The following ETAA1 variants were observed in gnomAD, a reference collection of about 807,000 sequenced individuals.
ETAA1 encodes the protein ewing's tumor-associated antigen 1.
ETAA1 carries 49 observed loss-of-function variants against 76.8 expected under a neutral mutation model. That is an observed-to-expected ratio of 0.64 (90% CI 0.51 to 0.81). The LOEUF is 0.81. ETAA1 is among the 30% of genes least tolerant of loss of function. The pLI, the probability that ETAA1 is intolerant of heterozygous loss-of-function variation, is 0.00. For missense variants in ETAA1, 1,099 were observed against 1,074.0 expected (o/e 1.02, Z -0.32); for synonymous variants, 373 against 372.2 (o/e 1.00, Z -0.03).
intron 5 of ETAA1, among the ~76,000 whole-genome samples, chr2:67,405,970 C>T (rs182761363): frequency 1.6e-3 from 237 of 152,182 alleles, no homozygotes; most frequent in Non-Finnish European, 2.8e-3. Flanking sequence ...AACAAGTTAA[C>T]ATTTCTTGAT....
chr2:67,405,357 G>C, intron 5 of ETAA1, 22 bp downstream of exon 5: 1 of 1,471,154 alleles, frequency 6.8e-7, no homozygotes, highest in Non-Finnish European at 9.0e-7. Flanking sequence ...ATATGAAATA[G>C]TTTTCTTTGA....
rs770706064 is a variant in ETAA1 at position 67,405,170 on chromosome 2, CAG to C, written c.2490_2491del (p.Gln830HisfsTer6). On this transcript the variant is annotated frameshift_variant, in exon 5 of 6. Coordinates refer to ENST00000272342, the MANE Select transcript of ETAA1 (RefSeq NM_019002.4). LOFTEE classifies it high-confidence loss of function. The part of the protein sequence containing the change: ...KFTFTRMKNS[Q>X]ILSQFNQNCI... Reference sequence around the variant, plus strand: ...TACATTTACAAGGATGAAAAATTCTCAGATTCTTTCTCAGTTTAATCAAAATT... The same window carrying C: ...TACATTTACAAGGATGAAAAATTCTCATTCTTTCTCAGTTTAATCAAAATT... The C allele has an allele frequency of 6.2e-7, 1 of 1,612,326 alleles. No individual in the cohort carries two copies. The highest frequency in any genetic ancestry group is 1.1e-5 in the South Asian group (1 of 90,952).
Position 67,404,428 on chromosome 2 carries a change from TC to T in ETAA1, c.1749del (p.Ser584HisfsTer13). The T allele has an allele frequency of 6.2e-7, 1 of 1,613,302 alleles. No homozygotes were observed. Among genetic ancestry groups the T allele is most frequent in the East Asian group, 2.2e-5 (1 of 44,804 alleles). ...VGSFFDDWND[P>X]SFANEIIKAC... ...GTTCTTTCTTTGATGATTGGAATGA[TC>T]CCTCATTTGCCAATGAAATTATTAA... On this transcript the variant is annotated frameshift_variant, in exon 5 of 6. Coordinates refer to ENST00000272342, the MANE Select transcript of ETAA1 (RefSeq NM_019002.4). LOFTEE classifies it high-confidence loss of function.
In ETAA1 at chr2:67,397,670, G is replaced by A. The variant is rs1472889757; in HGVS notation, c.222G>A (p.Glu74=). The A allele has an allele frequency of 6.5e-7, 1 of 1,546,068 alleles. No homozygotes were observed. The highest frequency in any genetic ancestry group is 1.2e-5 in the South Asian group (1 of 83,950). The change falls in exon 1 of 6, where the codon GAG becomes GAA. Residue 74 remains glutamate, a splice_region_variant and synonymous_variant. Coordinates refer to ENST00000272342, the MANE Select transcript of ETAA1 (RefSeq NM_019002.4). ...CCCTGTGCAGTAAAAGTAACCCCGA[G>A]GGTGAGACGTCGGCAGCGCGGCCTG... is the stretch of plus-strand genomic sequence containing the variant. The part of the protein sequence containing the change: ...TAALCSKSNP[E]ERYETPKRAL...
chr2:67,399,223 T>G lies in ETAA1; in HGVS notation c.278T>G (p.Phe93Cys), dbSNP rs113130006. ...AAAATGGACTCACTGTCATCTTCCTTCAGTTCTCCTAATGATCCAGATGGA... is the reference window on the plus strand; with the variant it reads ...AAAATGGACTCACTGTCATCTTCCTGCAGTTCTCCTAATGATCCAGATGGA... ...ALKMDSLSSSFSSPNDPDGQN... is the reference protein window; with the variant it reads ...ALKMDSLSSSCSSPNDPDGQN... The change falls in exon 2 of 6, where the codon TTC becomes TGC. Residue 93 changes from phenylalanine (F) to cysteine (C), a missense_variant. Physicochemically the swap from Phe to Cys is radical, Grantham distance 205. This residue lies in a region of ETAA1 where 761 missense variants were observed against 731.9 expected (regional missense o/e 1.04). Coordinates refer to ENST00000272342, the MANE Select transcript of ETAA1 (RefSeq NM_019002.4). The G allele has an allele frequency of 5.7e-5, 92 of 1,613,518 alleles. 1 individual carries two copies. Among genetic ancestry groups the G allele is most frequent in the Non-Finnish European group, 7.6e-5 (90 of 1,179,650 alleles).
At position 67,409,932 on chromosome 2, in the gene ETAA1, A is replaced by G. The variant is rs763916860; in HGVS notation, c.2675A>G (p.Lys892Arg). The G allele has an allele frequency of 1.9e-6, 3 of 1,599,934 alleles. No individual in the cohort carries two copies. The highest frequency in any genetic ancestry group is 3.6e-5 in the Admixed American group (2 of 55,982). ...SSKEEEEKNR[K>R]CSPEEIQRKR... ...TTAGAGGAAGAAGAGAAAAATAGAA[A>G]GTGTTCTCCTGAAGAAATTCAGAGA... Residue 892 changes from lysine (K) to arginine (R), a missense_variant, in exon 6 of 6, where the codon AAG becomes AGG. Coordinates refer to ENST00000272342, the MANE Select transcript of ETAA1 (RefSeq NM_019002.4).
rs1333528805 is a variant in ETAA1 at position 67,397,423 on chromosome 2, C to A, written c.-26C>A. 1.3e-6 allele frequency: 2 copies of A among 1,566,080 alleles called. No individual in the cohort carries two copies. The highest frequency in any genetic ancestry group is 2.4e-5 in the East Asian group (1 of 42,534). On this transcript the variant is annotated 5_prime_UTR_variant, in exon 1 of 6. Coordinates refer to ENST00000272342, the MANE Select transcript of ETAA1 (RefSeq NM_019002.4). ...CCTTTGCAAAATGTGAAAGAAGAAG[C>A]GGCTGGTGGAGGCGGGCCATAGGCA...
Position 67,397,379 on chromosome 2 carries a change from T to A in ETAA1, c.-70T>A. On this transcript the variant is annotated 5_prime_UTR_variant, in exon 1 of 6. Transcript: ENST00000272342. Reference sequence around the variant, plus strand: ...CGTTGGTGCGGGGTGCGGTTTGTAGTGCTGTTGCCCTACTCATCCCTTTGC... The same window carrying A: ...CGTTGGTGCGGGGTGCGGTTTGTAGAGCTGTTGCCCTACTCATCCCTTTGC... 6.9e-7 allele frequency: 1 copy of A among 1,457,340 alleles called. No homozygotes were observed. Among genetic ancestry groups the A allele is most frequent in the Non-Finnish European group, 9.4e-7 (1 of 1,062,632 alleles). The allele number at this position is 1,457,340 out of a possible 1,614,324, so 90.3% of individuals were successfully genotyped here.
chr2:67,401,866 C>G (rs529668423), intron 3 of ETAA1: 2 of 151,894 alleles, frequency 1.3e-5, no homozygotes, highest in Admixed American at 1.3e-4. Flanking sequence ...ATTAAGAAAA[C>G]TTTTTTGATT....
Position 67,405,299 on chromosome 2 carries a change from G to A in ETAA1, c.2617G>A (p.Val873Met), listed in dbSNP as rs1676185831. ...GGAAGCTGTTGGACAGCAATCTTTG[G>A]TGAAACTTTCTGAATCTTTGAAACA... The part of the protein sequence containing the change: ...LEEAVGQQSL[V>M]KLSESLKQSS... The change falls in exon 5 of 6, where the codon GTG becomes ATG. Residue 873 changes from valine to methionine, a missense_variant. Physicochemically the swap from Val to Met is conservative, Grantham distance 21. Around this residue, in one of 3 missense-constraint regions of ETAA1, gnomAD observed 302 missense variants for 278.1 expected, o/e 1.09. Transcript: ENST00000272342. 1 of 1,556,138 alleles carries A rather than the reference G, an allele frequency of 6.4e-7. No homozygotes were observed. The highest frequency in any genetic ancestry group is 1.4e-5 in the African/African-American group (1 of 72,238).
At chr2:67,398,496 C>G (rs1306584681) in intron 1 of ETAA1, among the ~76,000 whole-genome samples, 1 of 151,740 alleles carries the variant, frequency 6.6e-6, no homozygotes, top group Non-Finnish European at 1.5e-5. Flanking sequence ...CCACCTCGCC[C>G]GGCTAATTTT....
At position 67,404,255 on chromosome 2, in the gene ETAA1, A is replaced by G; in HGVS notation, c.1573A>G (p.Asn525Asp). The change falls in exon 5 of 6, where the codon AAC (asparagine) becomes GAC (aspartate). Residue 525 changes from asparagine to aspartate, a missense_variant. Asn to Asp is a conservative substitution (Grantham distance 23). This residue lies in a region of ETAA1 where 761 missense variants were observed against 731.9 expected (regional missense o/e 1.04). Coordinates refer to ENST00000272342, the MANE Select transcript of ETAA1 (RefSeq NM_019002.4). ...TEASERKSAL[N>D]TRYSNEQKNK... is the part of the protein sequence containing the mutation. ...AGCTTCTGAAAGGAAGTCAGCTTTGAACACAAGGTATTCTAATGAACAGAA... is the reference window on the plus strand; with the variant it reads ...AGCTTCTGAAAGGAAGTCAGCTTTGGACACAAGGTATTCTAATGAACAGAA... The G allele has an allele frequency of 6.2e-7, 1 of 1,612,488 alleles. No homozygotes were observed. The highest frequency in any genetic ancestry group is 8.5e-7 in the Non-Finnish European group (1 of 1,179,228).
chr2:67,404,755 A>G lies in ETAA1; in HGVS notation c.2073A>G (p.Gln691=), dbSNP rs968727013. 6.2e-7 allele frequency: 1 copy of G among 1,613,498 alleles called. No homozygotes were observed. Among genetic ancestry groups the G allele is most frequent in the Non-Finnish European group, 8.5e-7 (1 of 1,179,590 alleles). The change falls in exon 5 of 6, where the codon CAA becomes CAG. Residue 691 remains glutamine, a synonymous_variant. Coordinates refer to ENST00000272342, the MANE Select transcript of ETAA1 (RefSeq NM_019002.4). ...CTAAACAAGGAAGTAATTTGGTACA[A>G]TCAAAGCATTTGAATCCAGGCAGCA... The part of the protein sequence containing the change: ...AISKQGSNLV[Q]SKHLNPGSIS...
At position 67,402,810 on chromosome 2, in the gene ETAA1, G is replaced by A. The variant is rs573076431; in HGVS notation, c.430-52G>A. ...TCTTTCTTTTGTTTTTTTGGAAGAC[G>A]GGGGATGCTACACTGGTACTTTATA... On this transcript the variant is annotated intron_variant, in intron 3 of 5. Transcript: ENST00000272342. 2.5e-5 allele frequency: 28 copies of A among 1,127,176 alleles called. No individual in the cohort carries two copies. The highest frequency in any genetic ancestry group is 3.2e-5 in the Non-Finnish European group (26 of 820,144). 69.8% of individuals were successfully genotyped at this position (1,127,176 alleles called of 1,614,324 possible).
chr2:67,400,871 C>CT (rs1676034356), intron 3 of ETAA1: 1 of 152,176 alleles, frequency 6.6e-6, no homozygotes, highest in South Asian at 2.1e-4. Flanking sequence ...CAAAACAACT[C>CT]TGTTGCTACT....
chr2:67,398,631 C>T (rs1014448750), intron 1 of ETAA1, among the ~76,000 whole-genome samples: 1 of 152,092 alleles, frequency 6.6e-6, no homozygotes, highest in African/African-American at 2.4e-5. Context: ...GCCCGGCCAC[C>T]TTACATGTCT....
chr2:67,407,211 A>G (rs923379202), intron 5 of ETAA1, among the ~76,000 whole-genome samples: 12 of 151,430 alleles, frequency 7.9e-5, no homozygotes, highest in African/African-American at 2.2e-4. Context: ...TGGATCACAC[A>G]TAAGATACAC....
intron 3 of ETAA1, among the ~76,000 whole-genome samples, chr2:67,399,991 A>C (rs536856156): frequency 6.6e-6 from 1 of 152,298 alleles, no homozygotes; most frequent in East Asian, 1.9e-4. Context: ...TTGTTTTGTG[A>C]TTGGTACTTC....
chr2:67,409,889 T>C (rs760707565), intron 5 of ETAA1, 22 bp from the exon 6 acceptor site: 2 of 1,581,614 alleles, frequency 1.3e-6, no homozygotes, highest in Non-Finnish European at 8.5e-7. Context: ...AAAGTAAAAC[T>C]CATCTTTTGT....
Sources: gnomAD v4.1 joint callset for allele counts (sites outside exome capture counted in the v4.1 genomes callset) on GRCh38, gnomAD v4.1.1 for gene constraint, gnomAD v4.1.1 regional missense constraint, MANE v1.5 for transcripts, NCBI Gene and HGNC (gene_info 2026-07-23, HGNC 2026-07-21) for gene names.